Variants in GALNT13 observed in about 807,000 individuals in gnomAD.
GALNT13 encodes UDP-GalNAc:polypeptide N-acetylgalactosaminyltransferase 13.
A neutral mutation model predicts 64.2 loss-of-function variants in GALNT13; 28 were observed. That is an observed-to-expected ratio of 0.44 (90% CI 0.32 to 0.60). GALNT13 has a LOEUF of 0.60. Among genes scored for constraint, GALNT13 ranks in the 20% least tolerant of loss-of-function variants. GALNT13 has a pLI of 0.05. For synonymous variants in GALNT13, 214 were observed against 224.6 expected (o/e 0.95, Z 0.42); for missense variants, 577 against 669.8 (o/e 0.86, Z 1.53).
chr2:153,522,750 G>A, the GALNT13 span, among the ~76,000 whole-genome samples: 33 of 152,146 alleles, frequency 2.2e-4, no homozygotes, highest in African/African-American at 7.2e-4. Flanking sequence ...GTGTATTTTG[G>A]ATAACGGTGC....
intron 11 of GALNT13, among the ~76,000 whole-genome samples, chr2:154,413,934 C>T (rs370817947): frequency 5.9e-5 from 9 of 152,108 alleles, no homozygotes; most frequent in East Asian, 5.8e-4. Flanking sequence ...ATCTGGCAAG[C>T]GCCAATATTT....
chr2:153,817,248 G>A, the GALNT13 span, among the ~76,000 whole-genome samples: 1 of 152,174 alleles, frequency 6.6e-6, no homozygotes, highest in Non-Finnish European at 1.5e-5. Context: ...CAAGTTCAGA[G>A]GTGGGTTTAC....
the GALNT13 span, among the ~76,000 whole-genome samples, chr2:153,284,172 A>C: frequency 6.6e-6 from 1 of 152,124 alleles, no homozygotes; most frequent in African/African-American, 2.4e-5. Context: ...CTGCACCACA[A>C]TCTCAGGGGA....
At chr2:153,483,163 G>T in the GALNT13 span, among the ~76,000 whole-genome samples, 1 of 152,056 alleles carries the variant, frequency 6.6e-6, no homozygotes, top group Non-Finnish European at 1.5e-5. Flanking sequence ...AAAACATTAT[G>T]GTGGTTCCTC....
chr2:154,412,745 G>C (rs965867425), intron 11 of GALNT13, among the ~76,000 whole-genome samples: 13 of 151,772 alleles, frequency 8.6e-5, no homozygotes, highest in Middle Eastern at 3.4e-3. Context: ...TTTTGTAGCA[G>C]GAATACTGCA....
the GALNT13 span, among the ~76,000 whole-genome samples, chr2:153,556,371 T>C: frequency 6.6e-6 from 1 of 152,252 alleles, no homozygotes; most frequent in Admixed American, 6.5e-5. Context: ...GAAAAAAATC[T>C]TTAAAATTAA....
chr2:154,097,818 A>C (rs1702148100), intron 3 of GALNT13, among the ~76,000 whole-genome samples: 1 of 152,150 alleles, frequency 6.6e-6, no homozygotes, highest in Admixed American at 6.6e-5. Flanking sequence ...ACAGCATAAG[A>C]AAGAGCAATA....
chr2:153,099,573 C>A, the GALNT13 span, among the ~76,000 whole-genome samples: 6 of 152,142 alleles, frequency 3.9e-5, no homozygotes, highest in African/African-American at 1.4e-4. Flanking sequence ...AGTAATTATG[C>A]TTAAATGAGA....
In GALNT13 at chr2:154,425,640, TAGAA is replaced by T. The variant is rs1302887153; in HGVS notation, c.1396-12948_1396-12945del. On this transcript the variant is annotated intron_variant, in intron 11 of 12. Transcript: ENST00000392825. ...AAAACATAGGCGAATATACCATCAA[TAGAA>T]AGATAAGTTGCCAGAAGACCATTAC... 2.0e-5 allele frequency among the ~76,000 whole-genome samples: 3 copies of T among 152,132 alleles called. No homozygotes were observed. In the East Asian group the frequency reaches 5.8e-4, roughly 29 times the overall value.
the GALNT13 span, among the ~76,000 whole-genome samples, chr2:153,336,364 G>A: frequency 6.6e-6 from 1 of 152,260 alleles, no homozygotes; most frequent in East Asian, 1.9e-4. Context: ...GAGGGAGGCT[G>A]TACCCTGCAA....
At chr2:153,270,388 G>A in the GALNT13 span, among the ~76,000 whole-genome samples, 8 of 152,242 alleles carry the variant, frequency 5.3e-5, no homozygotes, top group South Asian at 2.1e-4. Flanking sequence ...ATTTGTCTTC[G>A]ATGTCTGTTA....
At chr2:154,049,080 A>G (rs1699437383) in intron 3 of GALNT13, among the ~76,000 whole-genome samples, 2 of 152,080 alleles carry the variant, frequency 1.3e-5, no homozygotes, top group South Asian at 4.1e-4. Context: ...CCAAAGTATA[A>G]TGACATCTTG....
the GALNT13 span, among the ~76,000 whole-genome samples, chr2:153,267,884 T>A: frequency 6.6e-6 from 1 of 152,134 alleles, no homozygotes; most frequent in Non-Finnish European, 1.5e-5. Context: ...AGTTCCAACT[T>A]CAGATAACCT....
At chr2:154,263,655 A>C (rs1029436431) in intron 8 of GALNT13, among the ~76,000 whole-genome samples, 2 of 152,200 alleles carry the variant, frequency 1.3e-5, no homozygotes, top group East Asian at 1.9e-4. Flanking sequence ...ACCACACACA[A>C]AAAAATACTT....
In GALNT13 at chr2:154,245,752, G is replaced by A. The variant is rs910048939; in HGVS notation, c.687-60G>A. ...TCATATCAGCTATAATCAGTTTGAA[G>A]AAGATAATGTAACATTTTAATTATC... On this transcript the variant is annotated intron_variant, in intron 6 of 12. Transcript: ENST00000392825. The A allele has an allele frequency of 7.9e-6, 9 of 1,140,410 alleles. No individual in the cohort carries two copies. In the African/African-American group the frequency reaches 1.1e-4, roughly 14 times the overall value. 70.6% of individuals were successfully genotyped at this position (1,140,410 alleles called of 1,614,324 possible).
At chr2:153,926,189 G>T (rs1294062765) in intron 2 of GALNT13, 1 of 151,844 alleles carries the variant, frequency 6.6e-6, no homozygotes, top group African/African-American at 2.4e-5. Flanking sequence ...ATATAAAAAA[G>T]AATAATGTTC....
At chr2:153,654,679 C>A in the GALNT13 span, among the ~76,000 whole-genome samples, 2 of 151,918 alleles carry the variant, frequency 1.3e-5, no homozygotes, top group African/African-American at 2.4e-5. Flanking sequence ...AAAAATACAA[C>A]ATAATTATTT....
chr2:154,111,486 G>T (rs965105555), intron 3 of GALNT13, among the ~76,000 whole-genome samples: 1 of 152,190 alleles, frequency 6.6e-6, no homozygotes, highest in Non-Finnish European at 1.5e-5. Flanking sequence ...GGTAGGAGGA[G>T]CCCAAAGTGT....
At chr2:153,609,437 T>G in the GALNT13 span, among the ~76,000 whole-genome samples, 2 of 152,096 alleles carry the variant, frequency 1.3e-5, 1 homozygote, top group Non-Finnish European at 2.9e-5. Context: ...CTGCCACCCC[T>G]GTTGACTTCC....
Sources: allele counts gnomAD v4.1 joint callset (sites outside exome capture counted in the v4.1 genomes callset), GRCh38; gene constraint gnomAD v4.1.1; transcripts MANE v1.5; gene names NCBI Gene and HGNC (gene_info 2026-07-23, HGNC 2026-07-21).